The following GTPBP10 variants were observed in gnomAD, a reference collection of about 807,000 sequenced individuals.
The protein encoded by GTPBP10 is GTP binding protein 10.
GTPBP10 carries 38 observed loss-of-function variants against 44.8 expected under a neutral mutation model. The observed-to-expected ratio is 0.85, with a 90% confidence interval of 0.65 to 1.11. The LOEUF (loss-of-function observed/expected upper bound fraction) is 1.11, where lower values mean the gene tolerates loss of function less well. GTPBP10 is among the 50% of genes most tolerant of loss of function. The pLI, the probability that GTPBP10 is intolerant of heterozygous loss-of-function variation, is 0.00. For synonymous variants in GTPBP10, 152 were observed against 150.6 expected, an observed-to-expected ratio of 1.01 and a Z score of -0.07; for missense variants, 462 against 453.7, an observed-to-expected ratio of 1.02 and a Z score of -0.17.
chr7:90,380,134 G>A (rs1181510772), intron 8 of GTPBP10, among the ~76,000 whole-genome samples: 4 of 143,994 alleles, frequency 2.8e-5, no homozygotes, highest in South Asian at 4.4e-4. Context: ...GCTGGAGTGC[G>A]GTGGCACAGT....
chr7:90,351,147 A>G (rs1795782128), intron 1 of GTPBP10, among the ~76,000 whole-genome samples: 1 of 152,258 alleles, frequency 6.6e-6, no homozygotes, highest in Non-Finnish European at 1.5e-5. Context: ...ACAGTATTCC[A>G]CGATGTACTA....
At chr7:90,365,019 C>T (rs1796103192) in intron 4 of GTPBP10, among the ~76,000 whole-genome samples, 1 of 152,216 alleles carries the variant, frequency 6.6e-6, no homozygotes, top group Non-Finnish European at 1.5e-5. Flanking sequence ...TTTCCAGGTG[C>T]TGTTTGTCAC....
intron 6 of GTPBP10, among the ~76,000 whole-genome samples, chr7:90,374,792 G>A (rs1216465469): frequency 6.6e-6 from 1 of 151,824 alleles, no homozygotes; most frequent in Non-Finnish European, 1.5e-5. Context: ...TAACAACAGT[G>A]GATCTTCTGT....
chr7:90,361,917 T>C (rs1796029744), intron 4 of GTPBP10, among the ~76,000 whole-genome samples: 1 of 152,234 alleles, frequency 6.6e-6, no homozygotes, highest in South Asian at 2.1e-4. Flanking sequence ...TTTATTTGCA[T>C]AGAGGTGTTT....
chr7:90,372,603 A>G (rs936085570), intron 5 of GTPBP10, among the ~76,000 whole-genome samples: 2 of 149,586 alleles, frequency 1.3e-5, no homozygotes, highest in Non-Finnish European at 3.0e-5. Context: ...GGTGTGAGCC[A>G]CCCTCCCCAG....
intron 4 of GTPBP10, among the ~76,000 whole-genome samples, chr7:90,359,805 T>C (rs1219950670): frequency 6.6e-6 from 1 of 152,228 alleles, no homozygotes; most frequent in Non-Finnish European, 1.5e-5. Flanking sequence ...CCAGCACCTG[T>C]TGTTTCCTGA....
At position 90,354,552 on chromosome 7, in the gene GTPBP10, G is replaced by A. The variant is rs1286495611; in HGVS notation, c.319+3G>A. 6 of 1,479,740 alleles carry A rather than the reference G, an allele frequency of 4.1e-6. No homozygotes were observed. Among genetic ancestry groups the A allele is most frequent in the Non-Finnish European group, 5.6e-6 (6 of 1,074,656 alleles). The allele number at this position is 1,479,740 out of a possible 1,614,324, so 91.7% of individuals were successfully genotyped here. A position where few individuals can be genotyped will look rare whatever the true frequency, so the allele number is the denominator to read the frequency against. ...TGATGAAAATGGTAAAATTATAGGT[G>A]AGTGTACTATAACTCCAAAAGTTGT... On this transcript the variant is annotated splice_donor_region_variant and intron_variant, in intron 3 of 9. Transcript: ENST00000222511.
At position 90,388,058 on chromosome 7, in the gene GTPBP10, A is replaced by T. The variant is rs2115804941; in HGVS notation, c.*2904A>T. Reference sequence around the variant, plus strand: ...GTAGTGCCCAGGGTGCCACTCCATGACTAACCGAAACATTTTATTATGTGA... The same window carrying T: ...GTAGTGCCCAGGGTGCCACTCCATGTCTAACCGAAACATTTTATTATGTGA... On this transcript the variant is annotated 3_prime_UTR_variant, in exon 10 of 10. Coordinates refer to ENST00000222511, the MANE Select transcript of GTPBP10 (RefSeq NM_033107.4). 6.6e-6 allele frequency: 1 copy of T among 152,304 alleles called. No individual in the cohort carries two copies. Among genetic ancestry groups the T allele is most frequent in the Admixed American group, 6.5e-5 (1 of 15,288 alleles). 9.4% of individuals were successfully genotyped at this position (152,304 alleles called of 1,614,324 possible). A position where few individuals can be genotyped will look rare whatever the true frequency, so the allele number is the denominator to read the frequency against.
At chr7:90,376,221 C>T (rs1008825364) in intron 6 of GTPBP10, among the ~76,000 whole-genome samples, 4 of 151,584 alleles carry the variant, frequency 2.6e-5, no homozygotes, top group East Asian at 1.9e-4. Flanking sequence ...GGCGACAGAG[C>T]GAGACTCTCT....
At chr7:90,381,071 GTGAA>G (rs1393635819) in intron 8 of GTPBP10, among the ~76,000 whole-genome samples, 1 of 152,084 alleles carries the variant, frequency 6.6e-6, no homozygotes, top group Non-Finnish European at 1.5e-5. Flanking sequence ...CTCGGCTATT[GTGAA>G]TAATGTTTCA....
In GTPBP10 at chr7:90,377,522, C is replaced by T; in HGVS notation, c.607C>T (p.Leu203Phe). 1 of 1,606,456 alleles carries T rather than the reference C, an allele frequency of 6.2e-7. No homozygotes were observed. Among genetic ancestry groups the T allele is most frequent in the African/African-American group, 1.3e-5 (1 of 74,822 alleles). Reference protein sequence around the residue: ...SDFKQISVADLPGLIEGAHMN... With the variant: ...SDFKQISVADFPGLIEGAHMN... Reference sequence around the variant, plus strand: ...TTTGTATTAGATATCAGTAGCTGATCTTCCGGGTTTAATAGAAGGAGCACA... The same window carrying T: ...TTTGTATTAGATATCAGTAGCTGATTTTCCGGGTTTAATAGAAGGAGCACA... The change falls in exon 7 of 10, where the codon CTT (leucine) becomes TTT (phenylalanine). Residue 203 changes from leucine (L) to phenylalanine (F), a missense_variant. Leu to Phe is a conservative substitution (Grantham distance 22). Transcript: ENST00000222511.
rs1795682323 is a variant in GTPBP10, at chr7:90,346,754, A to G, written c.13A>G (p.Ser5Gly). Residue 5 changes from serine to glycine, a missense_variant, in exon 1 of 10, where the codon AGT (serine) becomes GGT (glycine). Coordinates refer to ENST00000222511, the MANE Select transcript of GTPBP10 (RefSeq NM_033107.4). Reference protein sequence around the residue: MVHCSCVLFRKYGNF... With the variant: MVHCGCVLFRKYGNF... Reference sequence around the variant, plus strand: ...GCCTGTTGCAGCCATGGTGCATTGCAGTTGCGTGTTGTTCAGAAAGGTCCG... The same window carrying G: ...GCCTGTTGCAGCCATGGTGCATTGCGGTTGCGTGTTGTTCAGAAAGGTCCG... 1 of 1,614,072 alleles carries G rather than the reference A, an allele frequency of 6.2e-7. No homozygotes were observed. The highest frequency in any genetic ancestry group is 1.3e-5 in the African/African-American group (1 of 74,928).
At chr7:90,382,541 T>C (rs1796450287) in intron 8 of GTPBP10, among the ~76,000 whole-genome samples, 1 of 152,216 alleles carries the variant, frequency 6.6e-6, no homozygotes, top group African/African-American at 2.4e-5. Context: ...CTTCTGCCTT[T>C]TATCTATTAT....
rs754991927 is a variant in GTPBP10 at position 90,352,831 on chromosome 7, G to A, written c.49G>A (p.Asp17Asn). The A allele has an allele frequency of 5.0e-6, 8 of 1,585,584 alleles. 1 individual carries two copies. In the South Asian group the frequency reaches 5.9e-5, roughly 12 times the overall value. The change falls in exon 2 of 10, where the codon GAT becomes AAT. Residue 17 changes from aspartate (D) to asparagine (N), a missense_variant. Coordinates refer to ENST00000222511, the MANE Select transcript of GTPBP10 (RefSeq NM_033107.4). ...TTTTTTTAAGTATGGAAATTTCATC[G>A]ATAAGCTAAGACTCTTCACCAGGGG... ...VLFRKYGNFI[D>N]KLRLFTRGGS...
At chr7:90,360,010 C>T (rs1363585499) in intron 4 of GTPBP10, among the ~76,000 whole-genome samples, 1 of 151,986 alleles carries the variant, frequency 6.6e-6, no homozygotes, top group Non-Finnish European at 1.5e-5. Flanking sequence ...TGTAAATTTG[C>T]TTGAGTACTT....
intron 4 of GTPBP10, among the ~76,000 whole-genome samples, chr7:90,367,983 C>G (rs754142295): frequency 2.2e-4 from 33 of 152,228 alleles, no homozygotes; most frequent in Non-Finnish European, 3.8e-4. Context: ...CTGGTGTTGA[C>G]AAAATCTCTC....
At chr7:90,357,998 C>T (rs534835105) in intron 4 of GTPBP10, among the ~76,000 whole-genome samples, 7 of 152,234 alleles carry the variant, frequency 4.6e-5, no homozygotes, top group Admixed American at 4.6e-4. Flanking sequence ...GTCAAACTAT[C>T]TGTTTGCCCA....
chr7:90,385,276 T>C lies in GTPBP10; in HGVS notation c.*122T>C. 1.5e-6 allele frequency: 1 copy of C among 652,856 alleles called. No individual in the cohort carries two copies. The highest frequency in any genetic ancestry group is 2.5e-6 in the Non-Finnish European group (1 of 400,542). 40.4% of individuals were successfully genotyped at this position (652,856 alleles called of 1,614,324 possible). A position where few individuals can be genotyped will look rare whatever the true frequency, so the allele number is the denominator to read the frequency against. ...AAGCCAGGCTTAGAAAGACAAATGCTGCATAATCTCACTGTGGAATCTTAA... is the reference window on the plus strand; with the variant it reads ...AAGCCAGGCTTAGAAAGACAAATGCCGCATAATCTCACTGTGGAATCTTAA... On this transcript the variant is annotated 3_prime_UTR_variant, in exon 10 of 10. Coordinates refer to ENST00000222511, the MANE Select transcript of GTPBP10 (RefSeq NM_033107.4).
chr7:90,385,450 G>A lies in GTPBP10; in HGVS notation c.*296G>A. 1 of 210,014 alleles carries A rather than the reference G, an allele frequency of 4.8e-6. No homozygotes were observed. The highest frequency in any genetic ancestry group is 9.5e-6 in the Non-Finnish European group (1 of 105,724). The allele number at this position is 210,014 out of a possible 1,614,324, so 13.0% of individuals were successfully genotyped here. A position where few individuals can be genotyped will look rare whatever the true frequency, so the allele number is the denominator to read the frequency against. On this transcript the variant is annotated 3_prime_UTR_variant, in exon 10 of 10. Coordinates refer to ENST00000222511, the MANE Select transcript of GTPBP10 (RefSeq NM_033107.4). The stretch of plus-strand genomic sequence containing the variant: ...AGATCTGTTGTACAGCTTGGTGACT[G>A]TAATTAACAACAATGTATTTTGAAA...
Sources: allele counts gnomAD v4.1 joint callset (sites outside exome capture counted in the v4.1 genomes callset), GRCh38; gene constraint gnomAD v4.1.1; transcripts MANE v1.5; gene names NCBI Gene and HGNC (gene_info 2026-07-23, HGNC 2026-07-21).